DSP: variants seen among roughly 807,000 people sequenced by gnomAD.
DSP encodes the protein desmoplakin, also known as 250/210 kDa paraneoplastic pemphigus antigen.
DSP carries 114 observed loss-of-function variants against 290.6 expected under a neutral mutation model. The observed-to-expected ratio is 0.39, with a 90% CI of 0.34 to 0.46. The LOEUF is 0.46. DSP is among the 20% of genes least tolerant of loss of function. The pLI is 0.99. For synonymous variants in DSP, 1,311 were observed against 1,316.4 expected (o/e 1.00, Z 0.09); for missense variants, 3,230 against 3,495.8 (o/e 0.92, Z 1.92).
intron 1 of DSP, among the ~76,000 whole-genome samples, chr6:7,543,038 A>T (rs540912118): frequency 2.6e-5 from 4 of 152,122 alleles, no homozygotes; most frequent in Non-Finnish European, 5.9e-5. Flanking sequence ...ATCCCAGCGG[A>T]AACAGACCGA....
At chr6:7,562,628 C>T in intron 4 of DSP, 24 bp from the exon 5 acceptor site, 1 of 1,613,846 alleles carries the variant, frequency 6.2e-7, no homozygotes, top group Non-Finnish European at 8.5e-7. Context: ...ACAAAGGGCG[C>T]CTCTCTTTGT....
rs79254752 is a variant in DSP, at chr6:7,556,906, G to A, written c.273+1086G>A. Among the ~76,000 whole-genome samples the A allele has an allele frequency of 5.4e-3, 824 of 152,230 alleles. 10 individuals are homozygous for A. Among genetic ancestry groups the A allele is most frequent in the African/African-American group, 0.019 (778 of 41,522 alleles). Reference sequence around the variant, plus strand: ...AATAGCAGACACCAGTGACTTAATAGTGAACATACACACACACACGTCATT... The same window carrying A: ...AATAGCAGACACCAGTGACTTAATAATGAACATACACACACACACGTCATT... On this transcript the variant is annotated intron_variant, in intron 2 of 23. Transcript: ENST00000379802.
At chr6:7,570,610 GC>G in intron 13 of DSP, 47 bp downstream of exon 13, 1 of 1,609,818 alleles carries the variant, frequency 6.2e-7, no homozygotes. Flanking sequence ...GGGCAGCGCT[GC>G]CCCCCGCAGT....
chr6:7,577,812 G>A lies in DSP; in HGVS notation c.2911G>A (p.Gly971Arg). ...YELQLASYTS[G>R]LETLLNIPIK... ...GCTCCAGCTGGCCTCATACACCTCA[G>A]GACTGGAAACTCTGCTGAACATACC... Residue 971 changes from glycine to arginine, a missense_variant, in exon 21 of 24, where the codon GGA becomes AGA. Coordinates refer to ENST00000379802, the MANE Select transcript of DSP (RefSeq NM_004415.4). The A allele has an allele frequency of 6.2e-7, 1 of 1,614,144 alleles. No homozygotes were observed. Among genetic ancestry groups the A allele is most frequent in the Non-Finnish European group, 8.5e-7 (1 of 1,180,028 alleles).
Position 7,574,705 on chromosome 6 carries a change from C to T in DSP, c.2346C>T (p.Asp782=), listed in dbSNP as rs139071827. 1.5e-3 allele frequency: 2,463 copies of T among 1,614,118 alleles called. 2 individuals carry two copies. The highest frequency in any genetic ancestry group is 1.8e-3 in the Non-Finnish European group (2,105 of 1,180,028). Reference sequence around the variant, plus strand: ...TCCAGGCTATTCTCCAAACAGAAGACATGTTAAAGGTTTATGAAGCCAGGC... The same window carrying T: ...TCCAGGCTATTCTCCAAACAGAAGATATGTTAAAGGTTTATGAAGCCAGGC... The part of the protein sequence containing the change: ...ALLQAILQTE[D]MLKVYEARLT... Residue 782 remains aspartate (D), a synonymous_variant, in exon 17 of 24, where the codon GAC becomes GAT. Coordinates refer to ENST00000379802, the MANE Select transcript of DSP (RefSeq NM_004415.4).
chr6:7,546,113 G>A (rs1347928360), intron 1 of DSP, among the ~76,000 whole-genome samples: 1 of 152,180 alleles, frequency 6.6e-6, no homozygotes, highest in Admixed American at 6.5e-5. Flanking sequence ...GTTGGCTTAA[G>A]GAAGCCATTG....
At chr6:7,564,456 G>GC (rs1387727020) in intron 6 of DSP, among the ~76,000 whole-genome samples, 1 of 152,140 alleles carries the variant, frequency 6.6e-6, no homozygotes, top group East Asian at 1.9e-4. Context: ...TTCCTATTGG[G>GC]CTGGGGTGTG....
At chr6:7,556,979 T>C (rs1319882059) in intron 2 of DSP, among the ~76,000 whole-genome samples, 1 of 152,254 alleles carries the variant, frequency 6.6e-6, no homozygotes, top group African/African-American at 2.4e-5. Flanking sequence ...AAATTTTGCA[T>C]GGCCTCATGT....
Position 7,566,368 on chromosome 6 carries a change from C to A in DSP, c.940-9C>A, listed in dbSNP as rs1016646349. 1 of 1,607,948 alleles carries A rather than the reference C, an allele frequency of 6.2e-7. No individual in the cohort carries two copies. On this transcript the variant is annotated splice_polypyrimidine_tract_variant and intron_variant, in intron 7 of 23. Transcript: ENST00000379802. ...TGCTGCAAAGGATTTCTTATTTCTT[C>A]ATTCACAGATACGCATGAGTCAACT...
chr6:7,580,061 C>T lies in DSP; in HGVS notation c.3871C>T (p.Leu1291=), dbSNP rs771214584. The T allele has an allele frequency of 6.2e-7, 1 of 1,614,058 alleles. No individual in the cohort carries two copies. Among genetic ancestry groups the T allele is most frequent in the Non-Finnish European group, 8.5e-7 (1 of 1,180,024 alleles). The change falls in exon 23 of 24, where the codon CTG becomes TTG. Residue 1291 remains leucine (L), a synonymous_variant. Transcript: ENST00000379802. The surrounding 1 kb of genome is among the most constrained non-coding windows in gnomAD (Gnocchi z 4.2). ...GSEIMQKKQH[L]EIELKQVMQQ... is the part of the protein sequence containing the mutation. ...TGAGATAATGCAGAAGAAGCAGCAT[C>T]TGGAGATAGAACTGAAGCAGGTCAT...
rs546850212 is a variant in DSP, at chr6:7,567,704, A to G, written c.1141-77A>G. 2.1e-5 allele frequency: 33 copies of G among 1,603,758 alleles called. No homozygotes were observed. In the African/African-American group the frequency reaches 2.1e-4, roughly 10 times the overall value. ...GTCAAAGAGATGTTTAGGGATGACA[A>G]TCCTTGAAACAGAACTACTAGATGA... On this transcript the variant is annotated intron_variant, in intron 9 of 23. Transcript: ENST00000379802.
chr6:7,577,028 G>A lies in DSP; in HGVS notation c.2863G>A (p.Ala955Thr), dbSNP rs190421916. 21 of 1,611,140 alleles carry A rather than the reference G, an allele frequency of 1.3e-5. No homozygotes were observed. The Admixed American group carries it at 2.0e-4, about 15-fold the overall frequency. Residue 955 changes from alanine (A) to threonine (T), a missense_variant, in exon 20 of 24, where the codon GCC (alanine) becomes ACC (threonine). By Grantham distance (58) the Ala-to-Thr change is moderately conservative. Coordinates refer to ENST00000379802, the MANE Select transcript of DSP (RefSeq NM_004415.4). The stretch of plus-strand genomic sequence containing the variant: ...AGTACAAAAAATTGCTGAACTTTGC[G>A]CCAATTCAATTAAGGTATGTTGGTT... Reference protein sequence around the residue: ...EEVQKIAELCANSIKDYELQL... With the variant: ...EEVQKIAELCTNSIKDYELQL...
Position 7,559,215 on chromosome 6 carries a change from T to A in DSP, c.423-11T>A, listed in dbSNP as rs1758598034. On this transcript the variant is annotated splice_polypyrimidine_tract_variant and intron_variant, in intron 3 of 23. Transcript: ENST00000379802. ...TTTCCTGCAGTGGTTTAAAGGTTTT[T>A]TTCTTTGCAGGCTTCTTCAGCTCCA... is the stretch of plus-strand genomic sequence containing the variant. 2 of 1,613,824 alleles carry A rather than the reference T, an allele frequency of 1.2e-6. No homozygotes were observed. The highest frequency in any genetic ancestry group is 1.7e-5 in the Admixed American group (1 of 60,032).
chr6:7,569,508 T>G (rs1321623160), intron 12 of DSP, among the ~76,000 whole-genome samples, 168 bp downstream of exon 12: 3 of 152,226 alleles, frequency 2.0e-5, no homozygotes, highest in African/African-American at 4.8e-5. Flanking sequence ...CTTGCAATTT[T>G]ATGTTGAATA....
chr6:7,576,500 G>C, intron 19 of DSP, 44 bp downstream of exon 19: 1 of 1,610,732 alleles, frequency 6.2e-7, no homozygotes, highest in Non-Finnish European at 8.5e-7. Context: ...GAGATTAATT[G>C]GGTGTAATTC....
In DSP at chr6:7,575,498, C is replaced by A. The variant is rs757717367; in HGVS notation, c.2630+10C>A. On this transcript the variant is annotated intron_variant, in intron 18 of 23. Coordinates refer to ENST00000379802, the MANE Select transcript of DSP (RefSeq NM_004415.4). ...AACAGATCGACTTTAGGTATGCCAGCCTCCTCCCGCTCCTTCCCCATCTTC... is the reference window on the plus strand; with the variant it reads ...AACAGATCGACTTTAGGTATGCCAGACTCCTCCCGCTCCTTCCCCATCTTC... The A allele has an allele frequency of 1.8e-5, 29 of 1,613,956 alleles. No homozygotes were observed. The highest frequency in any genetic ancestry group is 2.2e-5 in the Non-Finnish European group (26 of 1,179,978).
In DSP at chr6:7,582,251, A is replaced by T. The variant is rs1759463217; in HGVS notation, c.5380-391A>T. 6.8e-6 allele frequency among the ~76,000 whole-genome samples: 1 copy of T among 148,014 alleles called. No homozygotes were observed. The highest frequency in any genetic ancestry group is 1.5e-5 in the Non-Finnish European group (1 of 67,308). ...TATATTTTATATAATATATATCTTC[A>T]TATATTTGTATTGCTTCATTAAGTA... On this transcript the variant is annotated intron_variant, in intron 23 of 23. Transcript: ENST00000379802. This position sits in a 1 kb window ranked among gnomAD's most constrained non-coding sequence, Gnocchi z 4.2.
chr6:7,562,688 G>A lies in DSP; in HGVS notation c.634G>A (p.Ala212Thr), dbSNP rs1028793473. Residue 212 changes from alanine (A) to threonine (T), a missense_variant, in exon 5 of 24, where the codon GCC becomes ACC. This residue lies in a region of DSP where 646 missense variants were observed against 684.3 expected (regional missense o/e 0.94). Transcript: ENST00000379802. ...MDMVAWGVDL[A>T]SVEQHINSHR... ...CATGGTGGCCTGGGGTGTGGACCTG[G>A]CCTCAGTGGAGCAGCACATTAACAG... The A allele has an allele frequency of 3.1e-6, 5 of 1,614,006 alleles. No individual in the cohort carries two copies. Among genetic ancestry groups the A allele is most frequent in the Non-Finnish European group, 4.2e-6 (5 of 1,180,008 alleles).
rs2113697528 is a variant in DSP at position 7,582,513 on chromosome 6, T to C, written c.5380-129T>C. The stretch of plus-strand genomic sequence containing the variant: ...AAGCTCACAGTGTATCCAGGGACAA[T>C]ATAGAAAGAAAAAATAAGCAAGGCT... On this transcript the variant is annotated intron_variant, in intron 23 of 23. Coordinates refer to ENST00000379802, the MANE Select transcript of DSP (RefSeq NM_004415.4). This position sits in a 1 kb window ranked among gnomAD's most constrained non-coding sequence, Gnocchi z 4.2. 1 of 850,650 alleles carries C rather than the reference T, an allele frequency of 1.2e-6. No individual in the cohort carries two copies. Among genetic ancestry groups the C allele is most frequent in the Admixed American group, 2.6e-5 (1 of 38,274 alleles). The allele number at this position is 850,650 out of a possible 1,614,324, so 52.7% of individuals were successfully genotyped here. A position where few individuals can be genotyped will look rare whatever the true frequency, so the allele number is the denominator to read the frequency against.
Sources: gnomAD v4.1 joint callset for allele counts (sites outside exome capture counted in the v4.1 genomes callset) on GRCh38, gnomAD v4.1.1 for gene constraint, gnomAD v4.1.1 regional missense constraint, Gnocchi (gnomAD v3.1) non-coding constraint, MANE v1.5 for transcripts, NCBI Gene and HGNC (gene_info 2026-07-23, HGNC 2026-07-21) for gene names.